Variants in NUP214 observed in about 807,000 individuals in gnomAD.
NUP214 encodes nuclear pore complex protein Nup214.
A neutral mutation model predicts 196.2 loss-of-function variants in NUP214; 79 were observed. The ratio of observed to expected loss-of-function variants is 0.40; its 90% confidence interval spans 0.34 to 0.49. The LOEUF is 0.49. Ranked by LOEUF, NUP214 falls within the 20% of genes least tolerant of loss-of-function variation. The pLI is 0.58. For missense variants in NUP214, 2,468 were observed against 2,539.0 expected, an observed-to-expected ratio of 0.97 and a Z score of 0.60; for synonymous variants, 1,020 against 990.5, an observed-to-expected ratio of 1.03 and a Z score of -0.56.
chr9:131,207,491 G>A (rs974856548), intron 30 of NUP214, among the ~76,000 whole-genome samples: 53 of 152,164 alleles, frequency 3.5e-4, no homozygotes, highest in African/African-American at 1.3e-3. Context: ...ACAACGTGGT[G>A]GCTAGGTTCC....
At chr9:131,218,462 C>T (rs1834465135) in intron 31 of NUP214, among the ~76,000 whole-genome samples, 1 of 152,164 alleles carries the variant, frequency 6.6e-6, no homozygotes, top group Non-Finnish European at 1.5e-5. Flanking sequence ...ATGCTTTGAG[C>T]ACCACTTCTT....
rs781341290 is a variant in NUP214 at position 131,178,292 on chromosome 9, T to C, written c.3320-19T>C. 2 of 1,579,938 alleles carry C rather than the reference T, an allele frequency of 1.3e-6. No homozygotes were observed. Among genetic ancestry groups the C allele is most frequent in the East Asian group, 4.5e-5 (2 of 44,714 alleles). ...TTGCTGGAATTAATATGGTGTTCTC[T>C]CTTCTCTGTTTAAATTAGCTGTAAA... is the stretch of plus-strand genomic sequence containing the variant. On this transcript the variant is annotated intron_variant, in intron 23 of 35. Transcript: ENST00000359428.
In NUP214 at chr9:131,234,386, C is replaced by T. The variant is rs1320741170; in HGVS notation, c.*899C>T. On this transcript the variant is annotated 3_prime_UTR_variant, in exon 36 of 36. Transcript: ENST00000359428. ...GATTTGACAACAGTGTTTGCTAGGA[C>T]GGCCCAGAGCTCATCACTGCAGTTT... 3 of 232,682 alleles carry T rather than the reference C, an allele frequency of 1.3e-5. No homozygotes were observed. Among genetic ancestry groups the T allele is most frequent in the African/African-American group, 2.2e-5 (1 of 45,418 alleles). The allele number at this position is 232,682 out of a possible 1,614,324, so 14.4% of individuals were successfully genotyped here. A position where few individuals can be genotyped will look rare whatever the true frequency, so the allele number is the denominator to read the frequency against.
Position 131,173,913 on chromosome 9 carries a change from A to G in NUP214, c.2894-142A>G, listed in dbSNP as rs541436838. 8 of 1,110,924 alleles carry G rather than the reference A, an allele frequency of 7.2e-6. 1 individual carries two copies. The highest frequency in any genetic ancestry group is 5.9e-5 in the South Asian group (4 of 67,348). 68.8% of individuals were successfully genotyped at this position (1,110,924 alleles called of 1,614,324 possible). On this transcript the variant is annotated intron_variant, in intron 21 of 35. Transcript: ENST00000359428. Reference sequence around the variant, plus strand: ...AAACCATTTTTGTTCACATTTGACAATACCTGCTCCCACTTAAAATAAGTA... The same window carrying G: ...AAACCATTTTTGTTCACATTTGACAGTACCTGCTCCCACTTAAAATAAGTA...
chr9:131,126,721 A>G (rs748797708), intron 1 of NUP214, among the ~76,000 whole-genome samples: 11 of 151,832 alleles, frequency 7.2e-5, no homozygotes, highest in South Asian at 2.1e-4. Flanking sequence ...CTAATTTTTT[A>G]TATCATTTGG....
At chr9:131,196,041 C>CT (rs1833779128) in intron 28 of NUP214, among the ~76,000 whole-genome samples, 1 of 40,608 alleles carries the variant, frequency 2.5e-5, no homozygotes, top group African/African-American at 7.0e-5. Context: ...CCCCCCCCCG[C>CT]GCCAAAAAAT....
At chr9:131,206,210 A>G (rs974191771) in intron 30 of NUP214, among the ~76,000 whole-genome samples, 9 of 129,392 alleles carry the variant, frequency 7.0e-5, no homozygotes, top group African/African-American at 2.7e-4. Context: ...CAGTGATGCG[A>G]TCTCCACTCA....
At chr9:131,183,967 T>C (rs1393433248) in intron 24 of NUP214, among the ~76,000 whole-genome samples, 1 of 151,730 alleles carries the variant, frequency 6.6e-6, no homozygotes, top group Non-Finnish European at 1.5e-5. Context: ...ACATTTTCCA[T>C]GTCATTAAAA....
intron 16 of NUP214, among the ~76,000 whole-genome samples, 158 bp from the exon 17 acceptor site, chr9:131,151,578 C>T (rs1405954310): frequency 6.6e-6 from 1 of 152,144 alleles, no homozygotes; most frequent in Non-Finnish European, 1.5e-5. Context: ...ACATTAGTGT[C>T]GTTCTAAACA....
Position 131,197,810 on chromosome 9 carries a change from T to G in NUP214, c.4316T>G (p.Phe1439Cys). Residue 1439 changes from phenylalanine (F) to cysteine (C), a missense_variant, in exon 29 of 36, where the codon TTT (phenylalanine) becomes TGT (cysteine). By Grantham distance (205) the Phe-to-Cys change is radical. Around this residue, in one of 5 missense-constraint regions of NUP214, gnomAD observed 1,801 missense variants for 1,779.4 expected, o/e 1.01. Transcript: ENST00000359428. Reference protein sequence around the residue: ...GTSLSAGKTSFSFGSQQTNST... With the variant: ...GTSLSAGKTSCSFGSQQTNST... ...TCTCTAAGTGCTGGCAAGACTAGTTTTTCATTTGGAAGCCAACAGACCAAT... is the reference window on the plus strand; with the variant it reads ...TCTCTAAGTGCTGGCAAGACTAGTTGTTCATTTGGAAGCCAACAGACCAAT... 1.2e-6 allele frequency: 2 copies of G among 1,613,932 alleles called. No homozygotes were observed. Among genetic ancestry groups the G allele is most frequent in the Non-Finnish European group, 1.7e-6 (2 of 1,180,024 alleles).
intron 27 of NUP214, among the ~76,000 whole-genome samples, chr9:131,193,133 T>C (rs990126697): frequency 3.3e-5 from 5 of 152,090 alleles, no homozygotes; most frequent in Admixed American, 3.3e-4. Context: ...GAGTTGTTTT[T>C]AAAAATGAAA....
chr9:131,223,739 T>TTTTTTTTTA (rs1834644659), intron 32 of NUP214, among the ~76,000 whole-genome samples: 1 of 26,506 alleles, frequency 3.8e-5, no homozygotes, highest in Non-Finnish European at 7.9e-5. Context: ...TTTTTTTTTT[T>TTTTTTTTTA]TTTTTTTTTT....
At chr9:131,151,574 G>A (rs535330848) in intron 16 of NUP214, among the ~76,000 whole-genome samples, 162 bp from the exon 17 acceptor site, 20 of 152,302 alleles carry the variant, frequency 1.3e-4, no homozygotes, top group African/African-American at 4.6e-4. Context: ...AAGAACATTA[G>A]TGTCGTTCTA....
intron 24 of NUP214, among the ~76,000 whole-genome samples, chr9:131,181,295 G>A (rs1177391498): frequency 1.3e-5 from 2 of 152,124 alleles, no homozygotes; most frequent in African/African-American, 2.4e-5. Context: ...GAAGAATGCT[G>A]GGGGAGTAGG....
chr9:131,128,522 C>T (rs1227635309), intron 3 of NUP214, 39 bp downstream of exon 3: 5 of 1,534,966 alleles, frequency 3.3e-6, no homozygotes, highest in Admixed American at 3.8e-5. Flanking sequence ...CATGAGAACC[C>T]TAAGCAGATT....
At chr9:131,179,909 C>T (rs1833224470) in intron 24 of NUP214, among the ~76,000 whole-genome samples, 1 of 152,142 alleles carries the variant, frequency 6.6e-6, no homozygotes, top group Non-Finnish European at 1.5e-5. Context: ...GAATTGTAGC[C>T]AGATTCCCAG....
intron 31 of NUP214, among the ~76,000 whole-genome samples, chr9:131,216,620 AG>A (rs1230338381): frequency 2.0e-5 from 3 of 147,920 alleles, no homozygotes; most frequent in Admixed American, 6.9e-5. Context: ...GCAACCTCCC[AG>A]GTTCAAGCAA....
chr9:131,152,482 A>G (rs1272793661), intron 17 of NUP214, among the ~76,000 whole-genome samples: 1 of 151,234 alleles, frequency 6.6e-6, no homozygotes, highest in African/African-American at 2.4e-5. Flanking sequence ...TTATAAATAA[A>G]TAATAATTAT....
In NUP214 at chr9:131,129,393, G is replaced by C; in HGVS notation, c.508G>C (p.Ala170Pro). ...CCCCTCCATGGTGGCAGTTTGTCTG[G>C]CTGATGGTAGTATTGCTGTCCTGCA... Reference protein sequence around the residue: ...TVPSMVAVCLADGSIAVLQVT... With the variant: ...TVPSMVAVCLPDGSIAVLQVT... Residue 170 changes from alanine to proline, a missense_variant, in exon 4 of 36, where the codon GCT (alanine) becomes CCT (proline). Ala to Pro is a conservative substitution (Grantham distance 27, BLOSUM62 -1). Around this residue, in one of 5 missense-constraint regions of NUP214, gnomAD observed 392 missense variants for 417.9 expected, o/e 0.94. Coordinates refer to ENST00000359428, the MANE Select transcript of NUP214 (RefSeq NM_005085.4). 1 of 1,614,224 alleles carries C rather than the reference G, an allele frequency of 6.2e-7. No individual in the cohort carries two copies. The highest frequency in any genetic ancestry group is 8.5e-7 in the Non-Finnish European group (1 of 1,180,032).
Sources: allele counts gnomAD v4.1 joint callset (sites outside exome capture counted in the v4.1 genomes callset), GRCh38; gene constraint gnomAD v4.1.1; regional missense constraint gnomAD v4.1.1; transcripts MANE v1.5; gene names NCBI Gene and HGNC (gene_info 2026-07-23, HGNC 2026-07-21).